The following FAT4 variants were observed in gnomAD, a reference collection of about 807,000 sequenced individuals.
FAT4 encodes protocadherin Fat 4.
A neutral mutation model predicts 303.9 loss-of-function variants in FAT4; 84 were observed. That is an observed-to-expected ratio of 0.28 (90% confidence interval 0.23 to 0.33). The LOEUF (loss-of-function observed/expected upper bound fraction) is 0.33. Ranked by LOEUF, FAT4 falls within the 10% of genes least tolerant of loss-of-function variation. FAT4 has a pLI of 1.00. For missense variants in FAT4, 6,005 were observed against 6,146.8 expected (o/e 0.98, Z 0.77); for synonymous variants, 2,307 against 2,298.8 (o/e 1.00, Z -0.10).
chr4:125,458,410 C>T lies in FAT4; in HGVS notation c.11801-5153C>T, dbSNP rs139898752. On this transcript the variant is annotated intron_variant, in intron 10 of 17. Transcript: ENST00000394329. ...AAGAGTGATTCTTTTAAAATTACTA[C>T]GGTCATGTATTGGTGTTGTTGATGA... Among the ~76,000 whole-genome samples the T allele has an allele frequency of 1.7e-3, 256 of 151,876 alleles. 1 individual carries two copies. Among genetic ancestry groups the T allele is most frequent in the African/African-American group, 5.6e-3 (232 of 41,466 alleles).
chr4:125,350,468 C>T (rs574085129), intron 2 of FAT4, among the ~76,000 whole-genome samples: 16 of 151,750 alleles, frequency 1.1e-4, no homozygotes, highest in Admixed American at 7.3e-4. Flanking sequence ...TCAATGACTT[C>T]GTTTCTTGTA....
At chr4:125,332,728 C>T (rs1178209223) in intron 2 of FAT4, among the ~76,000 whole-genome samples, 1 of 151,936 alleles carries the variant, frequency 6.6e-6, no homozygotes, top group Non-Finnish European at 1.5e-5. Context: ...TAATTGAGGT[C>T]GACTTGGCTT....
chr4:125,451,119 G>C lies in FAT4; in HGVS notation c.10109G>C (p.Arg3370Thr). The C allele has an allele frequency of 6.2e-7, 1 of 1,614,136 alleles. No homozygotes were observed. Among genetic ancestry groups the C allele is most frequent in the Non-Finnish European group, 8.5e-7 (1 of 1,180,012 alleles). The change falls in exon 10 of 18, where the codon AGG becomes ACG. Residue 3370 changes from arginine to threonine, a missense_variant. By Grantham distance (71) the Arg-to-Thr change is moderately conservative. Coordinates refer to ENST00000394329, the MANE Select transcript of FAT4 (RefSeq NM_001291303.3). The part of the protein sequence containing the change: ...SGILDREKEE[R>T]VSLKVLAKNF... Reference sequence around the variant, plus strand: ...ATTCTTGATCGAGAAAAAGAAGAAAGGGTGTCTTTGAAGGTATTGGCCAAG... The same window carrying C: ...ATTCTTGATCGAGAAAAAGAAGAAACGGTGTCTTTGAAGGTATTGGCCAAG...
Position 125,450,489 on chromosome 4 carries a change from A to G in FAT4, c.9479A>G (p.Gln3160Arg). The G allele has an allele frequency of 1.2e-6, 2 of 1,614,180 alleles. No individual in the cohort carries two copies. Among genetic ancestry groups the G allele is most frequent in the Middle Eastern group, 1.7e-4 (1 of 6,060 alleles). ...AAAGCTCTTGATTATGAGCTATGCCAGAAACACGAAATGACGATTAGTGCT... is the reference window on the plus strand; with the variant it reads ...AAAGCTCTTGATTATGAGCTATGCCGGAAACACGAAATGACGATTAGTGCT... Reference protein sequence around the residue: ...LAKALDYELCQKHEMTISAID... With the variant: ...LAKALDYELCRKHEMTISAID... Residue 3160 changes from glutamine to arginine, a missense_variant, in exon 10 of 18, where the codon CAG (glutamine) becomes CGG (arginine). Transcript: ENST00000394329.
chr4:125,328,299 GC>G (rs1445464489), intron 2 of FAT4, among the ~76,000 whole-genome samples: 1 of 152,110 alleles, frequency 6.6e-6, no homozygotes, highest in Admixed American at 6.6e-5. Context: ...TAACACGTAT[GC>G]CCCCATTGTA....
intron 2 of FAT4, among the ~76,000 whole-genome samples, chr4:125,391,072 G>A (rs1447866490): frequency 1.3e-5 from 2 of 152,136 alleles, no homozygotes; most frequent in East Asian, 1.9e-4. Flanking sequence ...ACTGTTGGGG[G>A]TAATGTAAGT....
chr4:125,327,024 CA>C (rs998924808), intron 2 of FAT4, among the ~76,000 whole-genome samples: 22 of 151,028 alleles, frequency 1.5e-4, no homozygotes, highest in African/African-American at 3.2e-4. Context: ...GACTTTATCT[CA>C]AAAAAAAATT....
intron 8 of FAT4, among the ~76,000 whole-genome samples, chr4:125,445,188 T>C (rs962051254): frequency 1.3e-5 from 2 of 152,138 alleles, no homozygotes; most frequent in African/African-American, 4.8e-5. Context: ...TTCCCTGTTT[T>C]GCTATCATTT....
intron 17 of FAT4, 26 bp from the exon 18 acceptor site, chr4:125,489,875 A>T (rs200732235): frequency 1.8e-5 from 7 of 381,154 alleles, no homozygotes; most frequent in East Asian, 1.1e-4. Context: ...TTTTGTAAAA[A>T]GCCTTACTCC....
intron 7 of FAT4, among the ~76,000 whole-genome samples, chr4:125,418,008 C>T (rs1386687109): frequency 6.6e-6 from 1 of 152,066 alleles, no homozygotes; most frequent in Non-Finnish European, 1.5e-5. Context: ...TTTTAGACAT[C>T]CGGTTTTAGA....
At chr4:125,384,233 G>C (rs1733652522) in intron 2 of FAT4, among the ~76,000 whole-genome samples, 1 of 152,120 alleles carries the variant, frequency 6.6e-6, no homozygotes, top group African/African-American at 2.4e-5. Flanking sequence ...TTAACATATT[G>C]AGGAACTGCC....
chr4:125,381,556 C>A (rs367798970), intron 2 of FAT4, among the ~76,000 whole-genome samples: 1 of 152,170 alleles, frequency 6.6e-6, no homozygotes, highest in African/African-American at 2.4e-5. Flanking sequence ...TATGCTAATA[C>A]ATGCTAACAG....
chr4:125,381,924 A>C (rs1014441601), intron 2 of FAT4, among the ~76,000 whole-genome samples: 5 of 152,242 alleles, frequency 3.3e-5, no homozygotes, highest in Non-Finnish European at 5.9e-5. Context: ...AATAGGTTCC[A>C]TCTCAAGAAA....
At position 125,450,277 on chromosome 4, in the gene FAT4, T is replaced by C. The variant is rs552000836; in HGVS notation, c.9267T>C (p.Pro3089=). ...TCACTGAGGAAAACTACCATACACC[T>C]GAATTCTCTCAAAGCCACATGAGTG... The part of the protein sequence containing the change: ...ITVTEENYHT[P]EFSQSHMSAT... The change falls in exon 10 of 18, where the codon CCT becomes CCC. Residue 3089 remains proline (P), a synonymous_variant. Coordinates refer to ENST00000394329, the MANE Select transcript of FAT4 (RefSeq NM_001291303.3). 6.2e-7 allele frequency: 1 copy of C among 1,614,116 alleles called. No individual in the cohort carries two copies. Among genetic ancestry groups the C allele is most frequent in the African/African-American group, 1.3e-5 (1 of 75,046 alleles).
chr4:125,464,166 G>A (rs1221755786), intron 11 of FAT4, among the ~76,000 whole-genome samples: 1 of 151,952 alleles, frequency 6.6e-6, no homozygotes, highest in Non-Finnish European at 1.5e-5. Flanking sequence ...TATACCTGAC[G>A]TTTTCATAAT....
Position 125,316,514 on chromosome 4 carries a change from C to T in FAT4, c.103C>T (p.Pro35Ser), listed in dbSNP as rs745757322. 2 of 1,613,824 alleles carry T rather than the reference C, an allele frequency of 1.2e-6. No individual in the cohort carries two copies. Among genetic ancestry groups the T allele is most frequent in the Non-Finnish European group, 1.7e-6 (2 of 1,180,042 alleles). ...LRVFWLLSLLPGQAWVHGAEP... is the reference protein window; with the variant it reads ...LRVFWLLSLLSGQAWVHGAEP... ...AGTGTTTTGGCTACTGTCATTGCTT[C>T]CGGGGCAGGCCTGGGTCCACGGGGC... Residue 35 changes from proline (P) to serine (S), a missense_variant, in exon 2 of 18, where the codon CCG (proline) becomes TCG (serine). By Grantham distance (74) the Pro-to-Ser change is moderately conservative. Transcript: ENST00000394329. This position sits in a 1 kb window ranked among gnomAD's most constrained non-coding sequence, Gnocchi z 5.7.
At chr4:125,410,748 T>C (rs1734808741) in intron 5 of FAT4, among the ~76,000 whole-genome samples, 1 of 152,142 alleles carries the variant, frequency 6.6e-6, no homozygotes, top group East Asian at 1.9e-4. Context: ...AGAATTTTGT[T>C]TGTCAAAAAC....
intron 2 of FAT4, among the ~76,000 whole-genome samples, chr4:125,350,978 G>C (rs969235002): frequency 1.3e-5 from 2 of 151,482 alleles, no homozygotes; most frequent in Admixed American, 1.3e-4. Flanking sequence ...TATTATTATT[G>C]AATTAGAGGT....
At chr4:125,382,561 G>T (rs1482024412) in intron 2 of FAT4, among the ~76,000 whole-genome samples, 17 of 152,132 alleles carry the variant, frequency 1.1e-4, no homozygotes, top group African/African-American at 4.1e-4. Flanking sequence ...CATTGGTAGG[G>T]AGCAGGTAGA....
Sources: allele counts gnomAD v4.1 joint callset (sites outside exome capture counted in the v4.1 genomes callset), GRCh38; gene constraint gnomAD v4.1.1; non-coding constraint Gnocchi (gnomAD v3.1); transcripts MANE v1.5; gene names NCBI Gene and HGNC (gene_info 2026-07-23, HGNC 2026-07-21).